Variants in ZNF816 observed in about 807,000 individuals in gnomAD.
ZNF816 encodes the protein zinc finger protein 816A.
A neutral mutation model predicts 8.3 loss-of-function variants in ZNF816; 11 were observed. The ratio of observed to expected loss-of-function variants is 1.32; its 90% CI spans 0.83 to 2.19. The LOEUF (loss-of-function observed/expected upper bound fraction) is 2.19. ZNF816 is among the 30% of genes most tolerant of loss of function. ZNF816 has a pLI of 0.00. For missense variants in ZNF816, 710 were observed against 779.3 expected (o/e 0.91, Z 1.06); for synonymous variants, 255 against 254.5 (o/e 1.00, Z -0.02).
At chr19:52,958,976 A>T (rs1449369039) in intron 1 of ZNF816, among the ~76,000 whole-genome samples, 1 of 152,208 alleles carries the variant, frequency 6.6e-6, no homozygotes, top group African/African-American at 2.4e-5. Flanking sequence ...ACCTGACCTG[A>T]CAAAGCCTTT....
Position 52,949,701 on chromosome 19 carries a change from G to T in ZNF816, c.*118C>A, listed in dbSNP as rs2083436688. The T allele has an allele frequency of 2.0e-6, 3 of 1,480,612 alleles. No individual in the cohort carries two copies. Among genetic ancestry groups the T allele is most frequent in the Non-Finnish European group, 2.8e-6 (3 of 1,066,006 alleles). The allele number at this position is 1,480,612 out of a possible 1,614,324, so 91.7% of individuals were successfully genotyped here. A position where few individuals can be genotyped will look rare whatever the true frequency, so the allele number is the denominator to read the frequency against. On this transcript the variant is annotated 3_prime_UTR_variant, in exon 4 of 4. Transcript: ENST00000444460. ...GTATGAGTTCACTGATGAACTACAA[G>T]TTATGAATGACGTCTGAAAAATTTG...
rs113669933 is a variant in ZNF816, at chr19:52,950,205, G to C, written c.1570C>G (p.Leu524Val). 2.2e-4 allele frequency: 353 copies of C among 1,613,868 alleles called. No homozygotes were observed. The African/African-American group carries it at 3.6e-3, about 16-fold the overall frequency. The change falls in exon 4 of 4, where the codon CTT (leucine) becomes GTT (valine). Residue 524 changes from leucine to valine, a missense_variant. By Grantham distance (32) the Leu-to-Val change is conservative. Coordinates refer to ENST00000444460, the MANE Select transcript of ZNF816 (RefSeq NM_001202457.3). ...CDKVFSRRSH[L>V]ERHRRIHTGE... is the part of the protein sequence containing the mutation. ...GTATGAATTCTCCTATGTCTTTCAA[G>C]GTGTGATCTGCGACTGAAAACTTTG... is the stretch of plus-strand genomic sequence containing the variant.
chr19:52,950,164 G>A lies in ZNF816; in HGVS notation c.1611C>T (p.Tyr537=), dbSNP rs749120682. 6 of 1,614,018 alleles carry A rather than the reference G, an allele frequency of 3.7e-6. No homozygotes were observed. In the South Asian group the frequency reaches 5.5e-5, roughly 15 times the overall value. The change falls in exon 4 of 4, where the codon TAC becomes TAT. Residue 537 remains tyrosine, a synonymous_variant. Transcript: ENST00000444460. ...HRRIHTGEKP[Y]KCKVCDKAFR... ...AAGCCTTGTCACAAACCTTACATTT[G>A]TATGGTTTTTCCCCAGTATGAATTC...
chr19:52,949,665 G>T lies in ZNF816; in HGVS notation c.*154C>A, dbSNP rs1374651139. Reference sequence around the variant, plus strand: ...TTGTCACAGTCATGATATTTGTAAGGTTTCTCTCCAGTATGAGTTCACTGA... The same window carrying T: ...TTGTCACAGTCATGATATTTGTAAGTTTTCTCTCCAGTATGAGTTCACTGA... On this transcript the variant is annotated 3_prime_UTR_variant, in exon 4 of 4. Coordinates refer to ENST00000444460, the MANE Select transcript of ZNF816 (RefSeq NM_001202457.3). 8 of 1,175,534 alleles carry T rather than the reference G, an allele frequency of 6.8e-6. No homozygotes were observed. In the African/African-American group the frequency reaches 9.1e-5, roughly 13 times the overall value. 72.8% of individuals were successfully genotyped at this position (1,175,534 alleles called of 1,614,324 possible). A position where few individuals can be genotyped will look rare whatever the true frequency, so the allele number is the denominator to read the frequency against.
chr19:52,950,709 G>A lies in ZNF816; in HGVS notation c.1066C>T (p.Leu356Phe), dbSNP rs2083449644. Residue 356 changes from leucine (L) to phenylalanine (F), a missense_variant, in exon 4 of 4, where the codon CTT becomes TTT. Leu to Phe is a conservative substitution (Grantham distance 22). Coordinates refer to ENST00000444460, the MANE Select transcript of ZNF816 (RefSeq NM_001202457.3). ...GTATGAATTGCCTTATGAATTACAA[G>A]GGCTGAATTTCGACCAAAAGTCTTG... The part of the protein sequence containing the change: ...CGKTFGRNSA[L>F]VIHKAIHTGE... 1.2e-6 allele frequency: 2 copies of A among 1,613,866 alleles called. No homozygotes were observed. The highest frequency in any genetic ancestry group is 8.5e-7 in the Non-Finnish European group (1 of 1,179,976).
At chr19:52,960,523 T>A (rs1227698252) in intron 1 of ZNF816, among the ~76,000 whole-genome samples, 7 of 152,070 alleles carry the variant, frequency 4.6e-5, no homozygotes, top group African/African-American at 1.7e-4. Context: ...GACCTCAGAG[T>A]TCTGGAAAGG....
Position 52,950,290 on chromosome 19 carries a change from G to A in ZNF816, c.1485C>T (p.Asn495=). 6.2e-7 allele frequency: 1 copy of A among 1,613,550 alleles called. No individual in the cohort carries two copies. Among genetic ancestry groups the A allele is most frequent in the Non-Finnish European group, 8.5e-7 (1 of 1,179,850 alleles). The stretch of plus-strand genomic sequence containing the variant: ...CATGAAGTCTATGATGACGTGCAAG[G>A]TTTTCTCTTCGACTAAAAACCTTGC... ...ECGKVFSRRE[N]LARHHRLHAG... is the part of the protein sequence containing the mutation. The change falls in exon 4 of 4, where the codon AAC becomes AAT. Residue 495 remains asparagine (N), a synonymous_variant. Transcript: ENST00000444460.
chr19:52,954,111 G>A (rs1265242285), intron 2 of ZNF816, among the ~76,000 whole-genome samples: 1 of 151,712 alleles, frequency 6.6e-6, no homozygotes, highest in Non-Finnish European at 1.5e-5. Context: ...GGGATTGGCT[G>A]CACACAGTAG....
chr19:52,957,749 TAA>T lies in ZNF816; in HGVS notation c.-15-1647_-15-1646del, dbSNP rs1192029912. Among the ~76,000 whole-genome samples, 1 of 152,174 alleles carries T rather than the reference TAA, an allele frequency of 6.6e-6. No homozygotes were observed. The highest frequency in any genetic ancestry group is 1.5e-5 in the Non-Finnish European group (1 of 68,036). On this transcript the variant is annotated intron_variant, in intron 1 of 3. Coordinates refer to ENST00000444460, the MANE Select transcript of ZNF816 (RefSeq NM_001202457.3). This position sits in a 1 kb window ranked among gnomAD's most constrained non-coding sequence, Gnocchi z 4.6. ...CCCAGACTTGTACTGTAGGAAGACA[TAA>T]AGTGATTCACCAGTTCTTGTACATG...
intron 1 of ZNF816, among the ~76,000 whole-genome samples, chr19:52,960,408 G>A (rs772323049): frequency 2.0e-4 from 30 of 152,154 alleles, no homozygotes; most frequent in Non-Finnish European, 4.0e-4. Flanking sequence ...AGATTTGGAC[G>A]GCCCTTACGA....
At chr19:52,954,978 T>G (rs375864858) in intron 2 of ZNF816, among the ~76,000 whole-genome samples, 1 of 152,118 alleles carries the variant, frequency 6.6e-6, no homozygotes. Context: ...GGAAAGGGGA[T>G]GCATAAGTGC....
intron 1 of ZNF816, among the ~76,000 whole-genome samples, chr19:52,959,599 C>G (rs1274465566): frequency 6.6e-6 from 1 of 152,154 alleles, no homozygotes; most frequent in Non-Finnish European, 1.5e-5. Context: ...TAATTCAGGC[C>G]TTAGAACTCA....
intron 2 of ZNF816, among the ~76,000 whole-genome samples, chr19:52,955,749 A>C (rs553342011): frequency 1.3e-5 from 2 of 152,264 alleles, no homozygotes; most frequent in African/African-American, 4.8e-5. Flanking sequence ...CTGCTGCCCA[A>C]CATCACTGAC....
Position 52,949,748 on chromosome 19 carries a change from A to T in ZNF816, c.*71T>A. 1.2e-6 allele frequency: 2 copies of T among 1,605,464 alleles called. No individual in the cohort carries two copies. Among genetic ancestry groups the T allele is most frequent in the Non-Finnish European group, 1.7e-6 (2 of 1,173,836 alleles). ...TTTGCCACATTTATTACACTTGTAG[A>T]TCTCTCTTCAATATGGATTCTGTAA... On this transcript the variant is annotated 3_prime_UTR_variant, in exon 4 of 4. Coordinates refer to ENST00000444460, the MANE Select transcript of ZNF816 (RefSeq NM_001202457.3).
In ZNF816 at chr19:52,951,469, G is replaced by C; in HGVS notation, c.306C>G (p.Cys102Trp). ...RHKSHHIGDF[C>W]FPEMKKDIHH... is the part of the protein sequence containing the mutation. ...GAATATCTTTCTTCATTTCTGGGAA[G>C]CAAAAATCTCCAATGTGATGACTTT... Residue 102 changes from cysteine (C) to tryptophan (W), a missense_variant, in exon 4 of 4, where the codon TGC (cysteine) becomes TGG (tryptophan). By Grantham distance (215) the Cys-to-Trp change is radical. Coordinates refer to ENST00000444460, the MANE Select transcript of ZNF816 (RefSeq NM_001202457.3). 1 of 1,613,934 alleles carries C rather than the reference G, an allele frequency of 6.2e-7. No homozygotes were observed. The highest frequency in any genetic ancestry group is 8.5e-7 in the Non-Finnish European group (1 of 1,179,924).
intron 2 of ZNF816, among the ~76,000 whole-genome samples, chr19:52,955,754 A>C (rs990363404): frequency 1.6e-4 from 25 of 152,146 alleles, no homozygotes; most frequent in African/African-American, 5.8e-4. Flanking sequence ...GCCCAACATC[A>C]CTGACACCAT....
In ZNF816 at chr19:52,950,105, C is replaced by G; in HGVS notation, c.1670G>C (p.Arg557Thr). 2 of 1,613,972 alleles carry G rather than the reference C, an allele frequency of 1.2e-6. No homozygotes were observed. The highest frequency in any genetic ancestry group is 8.5e-7 in the Non-Finnish European group (1 of 1,179,964). ...GTAAGGTTTCTCTCCAGTATGAACT[C>G]TCGTATGGTTTGCAAGGCATGAATC... Reference protein sequence around the residue: ...RSDSCLANHTRVHTGEKPYKC... With the variant: ...RSDSCLANHTTVHTGEKPYKC... Residue 557 changes from arginine to threonine, a missense_variant, in exon 4 of 4, where the codon AGA (arginine) becomes ACA (threonine). By Grantham distance (71) the Arg-to-Thr change is moderately conservative (BLOSUM62 -1). Coordinates refer to ENST00000444460, the MANE Select transcript of ZNF816 (RefSeq NM_001202457.3).
chr19:52,955,503 C>A (rs998318505), intron 2 of ZNF816, among the ~76,000 whole-genome samples: 3 of 152,186 alleles, frequency 2.0e-5, no homozygotes, highest in African/African-American at 7.2e-5. Context: ...GACTGGGCCC[C>A]AGAGTGACAC....
chr19:52,956,994 T>C lies in ZNF816; in HGVS notation c.-15-890A>G, dbSNP rs575346486. Among the ~76,000 whole-genome samples the C allele has an allele frequency of 6.6e-5, 10 of 152,342 alleles. No homozygotes were observed. The Middle Eastern group carries it at 0.014, about 207-fold the overall frequency. On this transcript the variant is annotated intron_variant, in intron 1 of 3. Transcript: ENST00000444460. ...CTGTTCTGTTAGCTGATGCACGTAG[T>C]GTCAAGTCACATTCCCCACACTTGC...
Sources: allele counts gnomAD v4.1 joint callset (sites outside exome capture counted in the v4.1 genomes callset), GRCh38; gene constraint gnomAD v4.1.1; non-coding constraint Gnocchi (gnomAD v3.1); transcripts MANE v1.5; gene names NCBI Gene and HGNC (gene_info 2026-07-23, HGNC 2026-07-21).